NFIX: variants seen among roughly 807,000 people sequenced by gnomAD.
NFIX encodes the protein nuclear factor I X.
In NFIX, 2 loss-of-function variants were observed where a neutral mutation model predicts 53.3. The observed-to-expected ratio is 0.04, with a 90% CI of 0.02 to 0.12. NFIX has a LOEUF of 0.12. Ranked by LOEUF, NFIX falls within the 10% of genes least tolerant of loss-of-function variation. The probability of loss-of-function intolerance (pLI) is 1.00; values close to 1 mark genes in which losing one functional copy is unlikely to be tolerated. For synonymous variants in NFIX, 244 were observed against 289.0 expected, an observed-to-expected ratio of 0.84 and a Z score of 1.58; for missense variants, 310 against 674.5, an observed-to-expected ratio of 0.46 and a Z score of 5.99.
rs1440746723 is a variant in NFIX at position 13,036,581 on chromosome 19, G to T, written c.559+11029G>T. Reference sequence around the variant, plus strand: ...GGGAGATCCCCGGAGGCGACCTGCAGGAGGCCAGCCGAGTGCAGCCCTTGG... The same window carrying T: ...GGGAGATCCCCGGAGGCGACCTGCATGAGGCCAGCCGAGTGCAGCCCTTGG... On this transcript the variant is annotated intron_variant, in intron 2 of 10. Coordinates refer to ENST00000592199, the MANE Select transcript of NFIX (RefSeq NM_001365902.3). The surrounding 1 kb of genome is among the most constrained non-coding windows in gnomAD (Gnocchi z 4.7). Among the ~76,000 whole-genome samples the T allele has an allele frequency of 6.6e-6, 1 of 152,178 alleles. No individual in the cohort carries two copies. Among genetic ancestry groups the T allele is most frequent in the African/African-American group, 2.4e-5 (1 of 41,452 alleles).
intron 2 of NFIX, among the ~76,000 whole-genome samples, chr19:13,055,901 A>C (rs1331362709): frequency 6.6e-6 from 1 of 151,978 alleles, no homozygotes; most frequent in East Asian, 1.9e-4. Flanking sequence ...TTGGCCAGCA[A>C]ATCTCTCCTT....
chr19:13,003,353 G>A (rs1387917607), intron 1 of NFIX, among the ~76,000 whole-genome samples: 1 of 152,078 alleles, frequency 6.6e-6, no homozygotes. Context: ...CGGGACACGC[G>A]CAGTCACACG....
chr19:13,061,485 GGTCGCTGGCCGC>G, intron 2 of NFIX, among the ~76,000 whole-genome samples: 1 of 152,184 alleles, frequency 6.6e-6, no homozygotes, highest in Non-Finnish European at 1.5e-5. Context: ...GCTCTGGGCC[GGTCGCTGGCCGC>G]GCCCCGCCGC....
intron 8 of NFIX, among the ~76,000 whole-genome samples, chr19:13,087,144 G>T (rs755828474): frequency 3.9e-5 from 6 of 152,208 alleles, no homozygotes; most frequent in Non-Finnish European, 5.9e-5. Flanking sequence ...AGAGGCAGGG[G>T]CGCCTCTGTC....
In NFIX at chr19:13,024,520, G is replaced by C. The variant is rs185692550; in HGVS notation, c.28-501G>C. On this transcript the variant is annotated intron_variant, in intron 1 of 10. Coordinates refer to ENST00000592199, the MANE Select transcript of NFIX (RefSeq NM_001365902.3). Reference sequence around the variant, plus strand: ...TCTTGGGGGCGGCCAAAAATCGACCGGTGTCGGGGACCAGAGGCGGCCCCG... The same window carrying C: ...TCTTGGGGGCGGCCAAAAATCGACCCGTGTCGGGGACCAGAGGCGGCCCCG... 3.1e-3 allele frequency: 4,750 copies of C among 1,515,198 alleles called. 19 individuals carry two copies. Among genetic ancestry groups the C allele is most frequent in the South Asian group, 6.2e-3 (514 of 82,896 alleles). 93.9% of individuals were successfully genotyped at this position (1,515,198 alleles called of 1,614,324 possible). A position where few individuals can be genotyped will look rare whatever the true frequency, so the allele number is the denominator to read the frequency against.
chr19:13,023,331 T>G (rs1034982160), intron 1 of NFIX, among the ~76,000 whole-genome samples: 2 of 148,124 alleles, frequency 1.4e-5, no homozygotes, highest in Non-Finnish European at 3.0e-5. Flanking sequence ...CTTCCTTTCC[T>G]CCCTCCCTCG....
chr19:13,088,558 A>G lies in NFIX; in HGVS notation c.1402+422A>G, dbSNP rs953069444. ...TTGTTTCGTTGTTCCCCCCACACCA[A>G]GAAAATCAAATGTAACCACAAGGCG... is the stretch of plus-strand genomic sequence containing the variant. On this transcript the variant is annotated intron_variant, in intron 9 of 10. Transcript: ENST00000592199. The surrounding 1 kb of genome is among the most constrained non-coding windows in gnomAD (Gnocchi z 5.9). 1.3e-5 allele frequency among the ~76,000 whole-genome samples: 2 copies of G among 151,392 alleles called. No homozygotes were observed. The highest frequency in any genetic ancestry group is 2.9e-5 in the Non-Finnish European group (2 of 67,900).
chr19:13,036,898 G>A lies in NFIX; in HGVS notation c.559+11346G>A, dbSNP rs188223674. Among the ~76,000 whole-genome samples, 18 of 152,218 alleles carry A rather than the reference G, an allele frequency of 1.2e-4. No individual in the cohort carries two copies. The highest frequency in any genetic ancestry group is 9.8e-4 in the Admixed American group (15 of 15,294). On this transcript the variant is annotated intron_variant, in intron 2 of 10. Coordinates refer to ENST00000592199, the MANE Select transcript of NFIX (RefSeq NM_001365902.3). This position sits in a 1 kb window ranked among gnomAD's most constrained non-coding sequence, Gnocchi z 4.7. ...GTAGGAGGGACCTGCGGCCCCACCC[G>A]GACACATGACATCATTGTTTCCTTA...
intron 1 of NFIX, among the ~76,000 whole-genome samples, chr19:13,016,518 C>T (rs1270240652): frequency 6.6e-6 from 1 of 151,932 alleles, no homozygotes; most frequent in Non-Finnish European, 1.5e-5. Flanking sequence ...CTGCCCCTGC[C>T]CCCCGCCCCC....
chr19:13,028,450 C>T lies in NFIX; in HGVS notation c.559+2898C>T, dbSNP rs1432044265. Reference sequence around the variant, plus strand: ...TGGCTTTGCTCCCAGGTGCCATTGTCACCCATGGCCTTCCTGAGCCCTTGT... The same window carrying T: ...TGGCTTTGCTCCCAGGTGCCATTGTTACCCATGGCCTTCCTGAGCCCTTGT... On this transcript the variant is annotated intron_variant, in intron 2 of 10. Coordinates refer to ENST00000592199, the MANE Select transcript of NFIX (RefSeq NM_001365902.3). The surrounding 1 kb of genome is among the most constrained non-coding windows in gnomAD (Gnocchi z 4.2). 6.6e-6 allele frequency among the ~76,000 whole-genome samples: 1 copy of T among 152,142 alleles called. No individual in the cohort carries two copies. Among genetic ancestry groups the T allele is most frequent in the Non-Finnish European group, 1.5e-5 (1 of 68,036 alleles).
rs970578579 is a variant in NFIX, at chr19:13,028,830, G to A, written c.559+3278G>A. Among the ~76,000 whole-genome samples the A allele has an allele frequency of 4.6e-5, 7 of 152,132 alleles. No individual in the cohort carries two copies. Among genetic ancestry groups the A allele is most frequent in the Non-Finnish European group, 1.0e-4 (7 of 68,038 alleles). ...TCTGCTTGTGTGAGAAAGGATGGCC[G>A]AGCTGGCCTAGAACCGCTGCTAGAC... On this transcript the variant is annotated intron_variant, in intron 2 of 10. Coordinates refer to ENST00000592199, the MANE Select transcript of NFIX (RefSeq NM_001365902.3). The surrounding 1 kb of genome is among the most constrained non-coding windows in gnomAD (Gnocchi z 4.2).
At chr19:13,065,035 CG>C (rs2016316911) in intron 2 of NFIX, among the ~76,000 whole-genome samples, 1 of 43,842 alleles carries the variant, frequency 2.3e-5, no homozygotes, top group African/African-American at 1.1e-4. Flanking sequence ...TTCTGGAGCA[CG>C]GATGTGAATT....
Position 13,025,684 on chromosome 19 carries a change from C to T in NFIX, c.559+132C>T. On this transcript the variant is annotated intron_variant, in intron 2 of 10. Coordinates refer to ENST00000592199, the MANE Select transcript of NFIX (RefSeq NM_001365902.3). The surrounding 1 kb of genome is among the most constrained non-coding windows in gnomAD (Gnocchi z 7.5). Reference sequence around the variant, plus strand: ...CTGGTGTATGCCCGTCCTGCGGGGCCTGCAACACGGTTCTATGGGCCCTTT... The same window carrying T: ...CTGGTGTATGCCCGTCCTGCGGGGCTTGCAACACGGTTCTATGGGCCCTTT... The T allele has an allele frequency of 5.9e-6, 6 of 1,024,088 alleles. No individual in the cohort carries two copies. Among genetic ancestry groups the T allele is most frequent in the Non-Finnish European group, 8.4e-6 (6 of 714,756 alleles). 63.4% of individuals were successfully genotyped at this position (1,024,088 alleles called of 1,614,324 possible).
chr19:13,075,968 G>C (rs1271352140), intron 6 of NFIX, among the ~76,000 whole-genome samples: 1 of 152,146 alleles, frequency 6.6e-6, no homozygotes, highest in Non-Finnish European at 1.5e-5. Flanking sequence ...AGCCCCTCCT[G>C]GTATTTCTCT....
chr19:13,049,611 T>G lies in NFIX; in HGVS notation c.560-23436T>G, dbSNP rs2015200375. Among the ~76,000 whole-genome samples, 2 of 116,062 alleles carry G rather than the reference T, an allele frequency of 1.7e-5. 1 individual carries two copies. The highest frequency in any genetic ancestry group is 5.8e-4 in the South Asian group (2 of 3,430). The allele number at this position is 116,062 out of a possible 152,430, so 76.1% of individuals were successfully genotyped here. A position where few individuals can be genotyped will look rare whatever the true frequency, so the allele number is the denominator to read the frequency against. ...CAGTGGTTCCTTTTTTTTTTTTTTTTGAGACAGAGTCTTACTCTGTCGCCC... is the reference window on the plus strand; with the variant it reads ...CAGTGGTTCCTTTTTTTTTTTTTTTGGAGACAGAGTCTTACTCTGTCGCCC... On this transcript the variant is annotated intron_variant, in intron 2 of 10. Coordinates refer to ENST00000592199, the MANE Select transcript of NFIX (RefSeq NM_001365902.3). The surrounding 1 kb of genome is among the most constrained non-coding windows in gnomAD (Gnocchi z 4.5).
intron 2 of NFIX, among the ~76,000 whole-genome samples, chr19:13,058,095 G>A (rs1277626965): frequency 6.6e-6 from 1 of 151,992 alleles, no homozygotes; most frequent in Non-Finnish European, 1.5e-5. Flanking sequence ...AGGGGAGGGG[G>A]TTGCCCTAAG....
intron 1 of NFIX, among the ~76,000 whole-genome samples, chr19:13,016,973 A>G (rs2012704295): frequency 6.6e-6 from 1 of 152,126 alleles, no homozygotes; most frequent in African/African-American, 2.4e-5. Context: ...ACCCACAGCA[A>G]ACTGAAAGGA....
At chr19:13,082,118 A>T (rs1206501321) in intron 8 of NFIX, 3 of 490,444 alleles carry the variant, frequency 6.1e-6, no homozygotes, top group African/African-American at 3.9e-5. Flanking sequence ...TGCCTTTCCC[A>T]TGGTCCTTGC....
rs181510262 is a variant in NFIX, at chr19:12,998,080, G to A, written c.27+2216G>A. Among the ~76,000 whole-genome samples the A allele has an allele frequency of 3.3e-5, 5 of 152,120 alleles. 1 individual carries two copies. The highest frequency in any genetic ancestry group is 3.3e-4 in the Admixed American group (5 of 15,290). ...TTTTACAAATCTTTCTGCTTCCATG[G>A]TTTGCCCCGCTGGTCTCTGTTTTTA... On this transcript the variant is annotated intron_variant, in intron 1 of 10. Transcript: ENST00000592199. The surrounding 1 kb of genome is among the most constrained non-coding windows in gnomAD (Gnocchi z 4.4).
Sources: gnomAD v4.1 joint callset for allele counts (sites outside exome capture counted in the v4.1 genomes callset) on GRCh38, gnomAD v4.1.1 for gene constraint, Gnocchi (gnomAD v3.1) non-coding constraint, MANE v1.5 for transcripts, NCBI Gene and HGNC (gene_info 2026-07-23, HGNC 2026-07-21) for gene names.